TGFBI: variants seen among roughly 807,000 people sequenced by gnomAD.
TGFBI encodes transforming growth factor-beta-induced protein ig-h3.
Under a neutral mutation model 73.7 loss-of-function variants are expected in TGFBI, and 50 were observed. That is an observed-to-expected ratio of 0.68 (90% CI 0.54 to 0.86). The LOEUF is 0.86. Ranked by LOEUF, TGFBI falls within the 40% of genes least tolerant of loss-of-function variation. The pLI is 0.00. For synonymous variants in TGFBI, 362 were observed against 360.5 expected (o/e 1.00, Z -0.05); for missense variants, 839 against 877.0 (o/e 0.96, Z 0.55).
Position 136,063,372 on chromosome 5 carries a change from C to A in TGFBI, c.*146C>A. On this transcript the variant is annotated 3_prime_UTR_variant, in exon 17 of 17. Coordinates refer to ENST00000442011, the MANE Select transcript of TGFBI (RefSeq NM_000358.3). The stretch of plus-strand genomic sequence containing the variant: ...ACCATAATGAGATGTGAGCCTTGTG[C>A]ATGTGGGGGAGGAGGGAGAGAGATG... The A allele has an allele frequency of 1.4e-6, 1 of 719,596 alleles. No individual in the cohort carries two copies. The allele number at this position is 719,596 out of a possible 1,614,324, so 44.6% of individuals were successfully genotyped here. A position where few individuals can be genotyped will look rare whatever the true frequency, so the allele number is the denominator to read the frequency against.
At chr5:136,043,189 G>C (rs2126907356) in intron 2 of TGFBI, among the ~76,000 whole-genome samples, 1 of 152,324 alleles carries the variant, frequency 6.6e-6, no homozygotes, top group South Asian at 2.1e-4. Flanking sequence ...AGAACCTGGG[G>C]ATTTGGTTTT....
chr5:136,053,086 C>T lies in TGFBI; in HGVS notation c.1093C>T (p.His365Tyr), dbSNP rs753074962. The T allele has an allele frequency of 1.9e-6, 3 of 1,614,066 alleles. No homozygotes were observed. Among genetic ancestry groups the T allele is most frequent in the Admixed American group, 3.3e-5 (2 of 60,032 alleles). The change falls in exon 8 of 17, where the codon CAC becomes TAC. Residue 365 changes from histidine to tyrosine, a missense_variant. By Grantham distance (83) the His-to-Tyr change is moderately conservative. Transcript: ENST00000442011. Reference sequence around the variant, plus strand: ...CATCCTAGCCACCAACGGGGTGATCCACTACATTGATGAGCTACTCATCCC... The same window carrying T: ...CATCCTAGCCACCAACGGGGTGATCTACTACATTGATGAGCTACTCATCCC... ...KDILATNGVI[H>Y]YIDELLIPDS...
intron 2 of TGFBI, among the ~76,000 whole-genome samples, chr5:136,040,807 A>G (rs928741073): frequency 7.9e-5 from 12 of 152,130 alleles, no homozygotes; most frequent in Non-Finnish European, 1.5e-4. Context: ...GAAGCCCCCT[A>G]TTGTTTCCAT....
At chr5:136,060,009 C>T (rs748567131) in intron 13 of TGFBI, among the ~76,000 whole-genome samples, 24 of 152,232 alleles carry the variant, frequency 1.6e-4, no homozygotes, top group Non-Finnish European at 2.5e-4. Context: ...GAGTTTGTCA[C>T]ATGGCCCTTC....
intron 7 of TGFBI, among the ~76,000 whole-genome samples, chr5:136,051,626 C>G (rs1397102325): frequency 6.6e-6 from 1 of 152,204 alleles, no homozygotes; most frequent in Non-Finnish European, 1.5e-5. Context: ...CCACACCCAA[C>G]AGTCTCCTGC....
rs2126900348 is a variant in TGFBI, at chr5:136,029,610, C to A, written c.134+421C>A. On this transcript the variant is annotated intron_variant, in intron 1 of 16. Transcript: ENST00000442011. ...CCAACCCAGCCAGGCCCCCGGCCAG[C>A]GACTCCAGACAAGAACCTGGGCCAC... Among the ~76,000 whole-genome samples the A allele has an allele frequency of 2.0e-5, 3 of 152,328 alleles. No individual in the cohort carries two copies. In the South Asian group the frequency reaches 6.2e-4, roughly 32 times the overall value.
At chr5:136,033,484 A>G (rs1334083787) in intron 1 of TGFBI, among the ~76,000 whole-genome samples, 1 of 152,208 alleles carries the variant, frequency 6.6e-6, no homozygotes, top group Non-Finnish European at 1.5e-5. Flanking sequence ...TACACTTATC[A>G]ATTGCCCATG....
chr5:136,054,015 T>C lies in TGFBI; in HGVS notation c.1199T>C (p.Leu400Pro). 1.9e-6 allele frequency: 3 copies of C among 1,614,054 alleles called. No homozygotes were observed. The highest frequency in any genetic ancestry group is 1.7e-6 in the Non-Finnish European group (2 of 1,179,890). Residue 400 changes from leucine (L) to proline (P), a missense_variant, in exon 9 of 17, where the codon CTC becomes CCC. Leu to Pro is a moderately conservative substitution (Grantham distance 98, BLOSUM62 -3). Transcript: ENST00000442011. ...TAIDLFRQAG[L>P]GNHLSGSERL... ...ATTGACCTTTTCAGACAAGCCGGCC[T>C]CGGCAATCATCTCTCTGGAAGTGAG...
intron 12 of TGFBI, among the ~76,000 whole-genome samples, chr5:136,058,499 AG>A (rs1751690112): frequency 6.6e-6 from 1 of 152,160 alleles, no homozygotes; most frequent in African/African-American, 2.4e-5. Flanking sequence ...AGACGTGACG[AG>A]GAGAGATGCT....
intron 2 of TGFBI, among the ~76,000 whole-genome samples, chr5:136,036,564 T>C (rs1274622222): frequency 3.3e-5 from 5 of 152,040 alleles, no homozygotes; most frequent in Admixed American, 6.6e-5. Context: ...AGGGCTCCTG[T>C]GTACCTGAGA....
intron 6 of TGFBI, chr5:136,048,248 C>T (rs1056216507): frequency 3.3e-5 from 5 of 152,174 alleles, no homozygotes; most frequent in African/African-American, 4.8e-5. Context: ...CTGGGTTGCT[C>T]GAAGGACGGG....
Position 136,047,330 on chromosome 5 carries a change from G to A in TGFBI, c.681G>A (p.Gly227=). Residue 227 remains glycine, a synonymous_variant, in exon 6 of 17, where the codon GGG becomes GGA. Transcript: ENST00000442011. Reference sequence around the variant, plus strand: ...AAGCCGACCACCATGCAACCAACGGGGTGGTGCACCTCATCGATAAGGTCA... The same window carrying A: ...AAGCCGACCACCATGCAACCAACGGAGTGGTGCACCTCATCGATAAGGTCA... ...LLKADHHATN[G]VVHLIDKVIS... is the part of the protein sequence containing the mutation. 1 of 1,613,834 alleles carries A rather than the reference G, an allele frequency of 6.2e-7. No individual in the cohort carries two copies. Among genetic ancestry groups the A allele is most frequent in the South Asian group, 1.1e-5 (1 of 91,080 alleles).
At chr5:136,042,904 C>A (rs1235768812) in intron 2 of TGFBI, among the ~76,000 whole-genome samples, 1 of 152,170 alleles carries the variant, frequency 6.6e-6, no homozygotes, top group Non-Finnish European at 1.5e-5. Flanking sequence ...ACACTGAGAG[C>A]ACCTTCCAGA....
intron 7 of TGFBI, 130 bp from the exon 8 acceptor site, chr5:136,052,777 G>A (rs546398130): frequency 5.7e-6 from 5 of 882,352 alleles, no homozygotes; most frequent in African/African-American, 5.1e-5. Flanking sequence ...TGGGCCCTGT[G>A]GTGCCCCAGC....
chr5:136,062,377 C>CA (rs1751763942), intron 15 of TGFBI, among the ~76,000 whole-genome samples: 1 of 152,128 alleles, frequency 6.6e-6, no homozygotes, highest in Non-Finnish European at 1.5e-5. Context: ...CACCTCTGTG[C>CA]AGCCCCAGCT....
chr5:136,055,004 T>C (rs1470707900), intron 10 of TGFBI, 143 bp downstream of exon 10: 3 of 1,024,076 alleles, frequency 2.9e-6, no homozygotes, highest in Admixed American at 2.3e-5. Context: ...CTGGAAAATA[T>C]AGATAACAAA....
chr5:136,041,172 C>T (rs1751331845), intron 2 of TGFBI, among the ~76,000 whole-genome samples: 1 of 152,212 alleles, frequency 6.6e-6, no homozygotes, highest in South Asian at 2.1e-4. Context: ...CGTGGCTAAC[C>T]CCTGCACACC....
At chr5:136,049,929 G>A in intron 7 of TGFBI, 1 of 196,206 alleles carries the variant, frequency 5.1e-6, no homozygotes, top group South Asian at 1.5e-4. Context: ...ACAGCTTACA[G>A]GTGTGGGGGT....
chr5:136,057,960 A>G (rs147278535), intron 12 of TGFBI, among the ~76,000 whole-genome samples: 74 of 152,120 alleles, frequency 4.9e-4, no homozygotes, highest in African/African-American at 1.8e-3. Context: ...TTTGTTTTCA[A>G]TTATGTGGGA....
Sources: gnomAD v4.1 joint callset for allele counts (sites outside exome capture counted in the v4.1 genomes callset) on GRCh38, gnomAD v4.1.1 for gene constraint, MANE v1.5 for transcripts, NCBI Gene and HGNC (gene_info 2026-07-23, HGNC 2026-07-21) for gene names.